TCF4: variants seen among roughly 807,000 people sequenced by gnomAD.
The protein encoded by TCF4 is transcription factor 4, also known as SL3-3 enhancer factor 2.
In TCF4, 3 loss-of-function variants were observed where a neutral mutation model predicts 82.1. The ratio of observed to expected loss-of-function variants is 0.04; its 90% CI spans 0.02 to 0.09. The LOEUF (loss-of-function observed/expected upper bound fraction) is 0.09, where lower values mean the gene tolerates loss of function less well. TCF4 is among the 10% of genes least tolerant of loss of function. The pLI is 1.00. For synonymous variants in TCF4, 276 were observed against 309.6 expected (o/e 0.89, Z 1.14); for missense variants, 518 against 852.7 (o/e 0.61, Z 4.89).
intron 3 of TCF4, among the ~76,000 whole-genome samples, chr18:55,505,822 A>T (rs896410310): frequency 1.3e-5 from 2 of 151,106 alleles, no homozygotes; most frequent in African/African-American, 4.8e-5. Flanking sequence ...AAAAAAAAAA[A>T]AGCAACCAGA....
chr18:55,342,156 A>G (rs1314849786), intron 8 of TCF4, among the ~76,000 whole-genome samples: 2 of 152,168 alleles, frequency 1.3e-5, no homozygotes, highest in Non-Finnish European at 2.9e-5. Context: ...TTTCACTTAC[A>G]TCAATATTGG....
At chr18:55,584,201 T>A (rs1002663175) in intron 3 of TCF4, among the ~76,000 whole-genome samples, 1 of 152,164 alleles carries the variant, frequency 6.6e-6, no homozygotes, top group African/African-American at 2.4e-5. Flanking sequence ...TGAACAAACT[T>A]CTTTCATTGC....
At chr18:55,423,699 C>CGTGCAACAACGGGCAGG in intron 5 of TCF4, 1 of 152,646 alleles carries the variant, frequency 6.6e-6, no homozygotes, top group South Asian at 2.1e-4. Flanking sequence ...GCAGCGCAGC[C>CGTGCAACAACGGGCAGG]GTGCAACAAC....
chr18:55,525,745 C>T (rs891983003), intron 3 of TCF4, among the ~76,000 whole-genome samples: 3 of 151,866 alleles, frequency 2.0e-5, no homozygotes, highest in East Asian at 3.9e-4. Context: ...TAGCAAATGA[C>T]GCCGATTTAC....
rs192089534 is a variant in TCF4, at chr18:55,375,478, C to T, written c.370-24475G>A. On this transcript the variant is annotated intron_variant, in intron 6 of 19. Transcript: ENST00000354452. ...CTAGAAGATTCTTTGCTCAAGTCAA[C>T]AAAATGCGAAGCTGACCTGTATTCC... Among the ~76,000 whole-genome samples the T allele has an allele frequency of 3.7e-3, 558 of 152,220 alleles. 4 individuals are homozygous for T. Among genetic ancestry groups the T allele is most frequent in the African/African-American group, 0.013 (542 of 41,566 alleles).
At chr18:55,229,940 T>C (rs973000176) in intron 17 of TCF4, 1 of 152,170 alleles carries the variant, frequency 6.6e-6, no homozygotes. Context: ...CTCATGCCTA[T>C]AACCCCAGCC....
intron 3 of TCF4, among the ~76,000 whole-genome samples, chr18:55,487,704 T>TA (rs571388350): frequency 4.8e-4 from 71 of 147,934 alleles, no homozygotes; most frequent in African/African-American, 1.2e-3. Context: ...AGGGGATCGA[T>TA]AAAAAAAAAA....
At chr18:55,330,429 C>T (rs929114408) in intron 8 of TCF4, among the ~76,000 whole-genome samples, 12 of 152,074 alleles carry the variant, frequency 7.9e-5, no homozygotes, top group African/African-American at 2.2e-4. Context: ...CCGCCTGCCT[C>T]GGCCTCCCAA....
chr18:55,403,178 C>A (rs923176950), intron 6 of TCF4, among the ~76,000 whole-genome samples: 3 of 152,138 alleles, frequency 2.0e-5, no homozygotes, highest in African/African-American at 7.2e-5. Flanking sequence ...CTTTCACCGA[C>A]ATTGCTGGTT....
At chr18:55,514,995 C>T (rs186067988) in intron 3 of TCF4, among the ~76,000 whole-genome samples, 1 of 152,134 alleles carries the variant, frequency 6.6e-6, no homozygotes, top group Admixed American at 6.5e-5. Flanking sequence ...TTTGATCCTG[C>T]CCCACTCTAT....
At chr18:55,415,409 A>G (rs2094491147) in intron 5 of TCF4, among the ~76,000 whole-genome samples, 1 of 152,212 alleles carries the variant, frequency 6.6e-6, no homozygotes. Context: ...AACCTTGAAA[A>G]GTAAAAGAAA....
intron 3 of TCF4, among the ~76,000 whole-genome samples, chr18:55,500,663 G>A (rs918122932): frequency 6.6e-6 from 1 of 152,222 alleles, no homozygotes; most frequent in Non-Finnish European, 1.5e-5. Context: ...CCTCAAGAGA[G>A]TGGGCAACAG....
At chr18:55,457,409 T>C (rs567459840) in intron 5 of TCF4, among the ~76,000 whole-genome samples, 6 of 152,254 alleles carry the variant, frequency 3.9e-5, no homozygotes, top group Non-Finnish European at 8.8e-5. Context: ...TTATTTACTT[T>C]AGGGATTCAC....
chr18:55,546,449 A>G (rs1001740786), intron 3 of TCF4, among the ~76,000 whole-genome samples: 1 of 152,254 alleles, frequency 6.6e-6, no homozygotes, highest in African/African-American at 2.4e-5. Flanking sequence ...CCAACAAACA[A>G]TATTATTTTT....
intron 3 of TCF4, among the ~76,000 whole-genome samples, chr18:55,577,285 T>C (rs2097539539): frequency 6.7e-6 from 1 of 148,422 alleles, no homozygotes; most frequent in African/African-American, 2.5e-5. Context: ...TATACATATA[T>C]ATATATGATG....
intron 6 of TCF4, among the ~76,000 whole-genome samples, chr18:55,387,204 A>G (rs2092683154): frequency 6.6e-6 from 1 of 152,220 alleles, no homozygotes; most frequent in South Asian, 2.1e-4. Context: ...AACATGATAT[A>G]GGTGTGGGCT....
intron 13 of TCF4, among the ~76,000 whole-genome samples, chr18:55,258,825 C>G (rs1042832236): frequency 2.0e-5 from 3 of 152,020 alleles, no homozygotes; most frequent in African/African-American, 4.8e-5. Context: ...GTACAGAACC[C>G]GAGGAGTACA....
intron 6 of TCF4, chr18:55,351,397 A>G (rs2082281578): frequency 4.3e-6 from 1 of 231,986 alleles, no homozygotes; most frequent in Non-Finnish European, 8.5e-6. Flanking sequence ...AACGCACACA[A>G]CTTCCCCTGG....
At chr18:55,549,863 T>C (rs1189760719) in intron 3 of TCF4, among the ~76,000 whole-genome samples, 1 of 152,192 alleles carries the variant, frequency 6.6e-6, no homozygotes, top group African/African-American at 2.4e-5. Context: ...CGAAACGCCA[T>C]TATGCAGTGC....
Sources: gnomAD v4.1 joint callset for allele counts (sites outside exome capture counted in the v4.1 genomes callset) on GRCh38, gnomAD v4.1.1 for gene constraint, MANE v1.5 for transcripts, NCBI Gene and HGNC (gene_info 2026-07-23, HGNC 2026-07-21) for gene names.